The following ST7 variants were observed in gnomAD, a reference collection of about 807,000 sequenced individuals.
ST7 encodes suppressor of tumorigenicity 7 protein.
Under a neutral mutation model 78.7 loss-of-function variants are expected in ST7, and 28 were observed. The observed-to-expected ratio is 0.36, with a 90% CI of 0.26 to 0.49. The LOEUF (loss-of-function observed/expected upper bound fraction) is 0.49, where lower values mean the gene tolerates loss of function less well. Ranked by LOEUF, ST7 falls within the 20% of genes least tolerant of loss-of-function variation. The pLI is 0.99. For synonymous variants in ST7, 247 were observed against 249.6 expected (o/e 0.99, Z 0.10); for missense variants, 418 against 696.0 (o/e 0.60, Z 4.49).
intron 1 of ST7, among the ~76,000 whole-genome samples, chr7:117,094,276 G>C (rs1473656425): frequency 6.6e-6 from 1 of 152,206 alleles, no homozygotes; most frequent in Non-Finnish European, 1.5e-5. Flanking sequence ...CCCCAGGGCT[G>C]CGGTACTCTG....
At chr7:117,145,728 G>A (rs1022362819) in intron 9 of ST7, 1 of 152,164 alleles carries the variant, frequency 6.6e-6, no homozygotes, top group African/African-American at 2.4e-5. Flanking sequence ...ATCTCAACAT[G>A]TCTTTCTGGG....
intron 2 of ST7, among the ~76,000 whole-genome samples, chr7:117,117,720 G>C (rs1444828453): frequency 1.3e-5 from 2 of 152,146 alleles, no homozygotes; most frequent in African/African-American, 4.8e-5. Context: ...CCCATGGGAG[G>C]GATGTGCATC....
At chr7:117,125,666 C>A (rs1445508364) in intron 3 of ST7, among the ~76,000 whole-genome samples, 3 of 152,056 alleles carry the variant, frequency 2.0e-5, no homozygotes, top group African/African-American at 7.2e-5. Context: ...TGCACAATCA[C>A]TTGTCAGAAA....
At chr7:117,064,961 T>C (rs1341887813) in intron 1 of ST7, among the ~76,000 whole-genome samples, 3 of 152,120 alleles carry the variant, frequency 2.0e-5, no homozygotes, top group Middle Eastern at 3.2e-3. Flanking sequence ...CTAATCTCAT[T>C]GTGTATATTG....
At chr7:117,161,506 G>A (rs6945748) in intron 9 of ST7, among the ~76,000 whole-genome samples, 1,930 of 149,778 alleles carry the variant, frequency 0.013, 43 homozygotes, top group African/African-American at 0.043. Flanking sequence ...AGATAAAGCT[G>A]TGGCCCTCAT....
At chr7:117,158,724 G>A (rs995778776) in intron 9 of ST7, among the ~76,000 whole-genome samples, 10 of 152,094 alleles carry the variant, frequency 6.6e-5, no homozygotes, top group African/African-American at 2.2e-4. Flanking sequence ...AACTCTCGTG[G>A]GCCTCTGAGG....
chr7:117,137,090 G>A (rs997806289), intron 8 of ST7: 1 of 152,042 alleles, frequency 6.6e-6, no homozygotes, highest in African/African-American at 2.4e-5. Context: ...TTCTCACTTA[G>A]TTTCTCCCTC....
intron 13 of ST7, among the ~76,000 whole-genome samples, chr7:117,214,013 T>G (rs1018600183): frequency 2.6e-5 from 4 of 152,154 alleles, no homozygotes; most frequent in Admixed American, 2.0e-4. Flanking sequence ...ATTTTTTATT[T>G]TTGCTGGGGC....
At chr7:117,222,952 C>A (rs767313942) in intron 15 of ST7, 1 of 1,613,642 alleles carries the variant, frequency 6.2e-7, no homozygotes, top group Non-Finnish European at 8.5e-7. Context: ...ATCCCTCCGG[C>A]ACCTCAATCT....
intron 1 of ST7, among the ~76,000 whole-genome samples, chr7:117,067,891 C>T (rs1563055657): frequency 6.6e-6 from 1 of 152,146 alleles, no homozygotes; most frequent in Non-Finnish European, 1.5e-5. Flanking sequence ...CATTCTGCAT[C>T]CAGTGGATAT....
intron 7 of ST7, 56 bp downstream of exon 7, chr7:117,134,248 A>C (rs1804602306): frequency 1.9e-6 from 3 of 1,607,564 alleles, no homozygotes; most frequent in Non-Finnish European, 2.5e-6. Flanking sequence ...CTTCTAGTGG[A>C]TATCTGGATG....
intron 3 of ST7, among the ~76,000 whole-genome samples, chr7:117,126,705 T>G (rs953997465): frequency 6.6e-6 from 1 of 151,698 alleles, no homozygotes; most frequent in African/African-American, 2.4e-5. Flanking sequence ...GATGGAAGGT[T>G]TTAGTAGGGA....
At chr7:117,021,987 A>G (rs769581676) in intron 1 of ST7, among the ~76,000 whole-genome samples, 2 of 152,212 alleles carry the variant, frequency 1.3e-5, no homozygotes, top group Middle Eastern at 3.2e-3. Flanking sequence ...ATAATTATAT[A>G]CTAAAGGAAA....
chr7:117,082,944 G>A (rs771433274), intron 1 of ST7, among the ~76,000 whole-genome samples: 2 of 152,116 alleles, frequency 1.3e-5, no homozygotes, highest in Non-Finnish European at 2.9e-5. Context: ...TTAAATAGTC[G>A]CTCTGTTTGT....
intron 1 of ST7, among the ~76,000 whole-genome samples, chr7:117,047,911 C>T (rs1797574247): frequency 6.6e-6 from 1 of 152,146 alleles, no homozygotes; most frequent in Non-Finnish European, 1.5e-5. Context: ...GGGATGCTAA[C>T]CCATGTGCAG....
At chr7:117,006,267 A>G (rs1317095160) in intron 1 of ST7, among the ~76,000 whole-genome samples, 2 of 152,150 alleles carry the variant, frequency 1.3e-5, no homozygotes, top group African/African-American at 4.8e-5. Flanking sequence ...TCCATCTTTA[A>G]AGTTTCAACA....
chr7:117,065,744 G>C (rs1189372582), intron 1 of ST7, among the ~76,000 whole-genome samples: 1 of 152,146 alleles, frequency 6.6e-6, no homozygotes, highest in Non-Finnish European at 1.5e-5. Context: ...CCTCTCAGCA[G>C]CCAGTCATCT....
chr7:117,173,242 A>T (rs763078273), intron 10 of ST7, among the ~76,000 whole-genome samples: 2 of 152,196 alleles, frequency 1.3e-5, no homozygotes, highest in African/African-American at 4.8e-5. Context: ...GGCAGGACAC[A>T]TATTGTTGCT....
chr7:117,139,710 T>C (rs1382228851), intron 9 of ST7, among the ~76,000 whole-genome samples: 1 of 152,188 alleles, frequency 6.6e-6, no homozygotes, highest in Non-Finnish European at 1.5e-5. Flanking sequence ...AGGTGATAGA[T>C]GCTCTCTAGG....
Sources: allele counts gnomAD v4.1 joint callset (sites outside exome capture counted in the v4.1 genomes callset), GRCh38; gene constraint gnomAD v4.1.1; transcripts MANE v1.5; gene names NCBI Gene and HGNC (gene_info 2026-07-23, HGNC 2026-07-21).